TCTN3: variants seen among roughly 807,000 people sequenced by gnomAD.
TCTN3 encodes the protein tectonic family member 3.
In TCTN3, 57 loss-of-function variants were observed where a neutral mutation model predicts 71.3. That is an observed-to-expected ratio of 0.80 (90% CI 0.65 to 1.00). The LOEUF (loss-of-function observed/expected upper bound fraction) is 1.00, where lower values mean the gene tolerates loss of function less well. Ranked by LOEUF, TCTN3 falls within the 50% of genes least tolerant of loss-of-function variation. The pLI is 0.00. For missense variants in TCTN3, 696 were observed against 719.9 expected (o/e 0.97, Z 0.38); for synonymous variants, 258 against 267.8 (o/e 0.96, Z 0.36).
Position 95,683,088 on chromosome 10 carries a change from A to C in TCTN3, c.1298+13T>G. On this transcript the variant is annotated intron_variant, in intron 11 of 13. Coordinates refer to ENST00000371217, the MANE Select transcript of TCTN3 (RefSeq NM_015631.6). ...CCGAAATTGCAGGAAATGATGCGGAAGCAAAGAACTACCTGAGCTTGCATC... is the reference window on the plus strand; with the variant it reads ...CCGAAATTGCAGGAAATGATGCGGACGCAAAGAACTACCTGAGCTTGCATC... 1 of 1,608,286 alleles carries C rather than the reference A, an allele frequency of 6.2e-7. No homozygotes were observed. The highest frequency in any genetic ancestry group is 1.1e-5 in the South Asian group (1 of 90,430).
chr10:95,673,426 TC>T (rs2097933690), intron 13 of TCTN3, among the ~76,000 whole-genome samples: 2 of 152,194 alleles, frequency 1.3e-5, no homozygotes, highest in Admixed American at 6.5e-5. Context: ...CATCCAGTTG[TC>T]CCAGCACCAA....
chr10:95,675,235 C>T (rs541527070), intron 13 of TCTN3, among the ~76,000 whole-genome samples: 7 of 152,046 alleles, frequency 4.6e-5, no homozygotes, highest in East Asian at 3.9e-4. Context: ...TGGGATTACA[C>T]GCGTGTGCCA....
intron 3 of TCTN3, among the ~76,000 whole-genome samples, chr10:95,690,784 G>T (rs980978777): frequency 1.3e-5 from 2 of 152,214 alleles, no homozygotes; most frequent in Non-Finnish European, 2.9e-5. Flanking sequence ...GTTATGGAAA[G>T]ATTTATCTAG....
intron 13 of TCTN3, among the ~76,000 whole-genome samples, chr10:95,677,474 G>GGTTTTTTTTTTTT: frequency 1.2e-5 from 1 of 80,738 alleles, no homozygotes; most frequent in Non-Finnish European, 3.0e-5. Context: ...GAAGTCTACA[G>GGTTTTTTTTTTTT]TTTTTTTTGT....
At chr10:95,688,397 G>GAAAAAAAAAAAAAAAAAAAAA (rs60722894) in intron 3 of TCTN3, among the ~76,000 whole-genome samples, 4 of 104,592 alleles carry the variant, frequency 3.8e-5, no homozygotes, top group African/African-American at 1.4e-4. Flanking sequence ...TCAAAAAAAA[G>GAAAAAAAAAAAAAAAAAAAAA]AAAAAAAAAA....
At chr10:95,668,255 C>CAAAAAAAAAAAAAAAAAAAAAAAAAA (rs374400684) in intron 13 of TCTN3, among the ~76,000 whole-genome samples, 1 of 120,138 alleles carries the variant, frequency 8.3e-6, no homozygotes, top group Non-Finnish European at 1.7e-5. Flanking sequence ...ATAGGAGTGC[C>CAAAAAAAAAAAAAAAAAAAAAAAAAA]AAAAAAAAAA....
At chr10:95,689,389 C>T (rs900388455) in intron 3 of TCTN3, among the ~76,000 whole-genome samples, 1 of 152,212 alleles carries the variant, frequency 6.6e-6, no homozygotes, top group Admixed American at 6.5e-5. Context: ...CTTTCCACCT[C>T]TGATCTGAAA....
chr10:95,678,216 G>A (rs2097939307), intron 13 of TCTN3, among the ~76,000 whole-genome samples: 1 of 152,140 alleles, frequency 6.6e-6, no homozygotes, highest in African/African-American at 2.4e-5. Context: ...CTTTGGATAA[G>A]CTATTGCTAT....
In TCTN3 at chr10:95,686,439, A is replaced by G; in HGVS notation, c.888+56T>C. 3 of 1,569,536 alleles carry G rather than the reference A, an allele frequency of 1.9e-6. No homozygotes were observed. In the Admixed American group the frequency reaches 5.0e-5, roughly 26 times the overall value. On this transcript the variant is annotated intron_variant, in intron 7 of 13. Transcript: ENST00000371217. ...GTACAACTTAGACTAAAATTGCCTC[A>G]GATGCAGAGGAGCCAAATATTCTTT...
rs1380224303 is a variant in TCTN3 at position 95,677,574 on chromosome 10, G to A, written c.1590+2898C>T. On this transcript the variant is annotated intron_variant, in intron 13 of 13. Coordinates refer to ENST00000371217, the MANE Select transcript of TCTN3 (RefSeq NM_015631.6). Reference sequence around the variant, plus strand: ...AAATTTTGCTACTTCACTTTTTATAGAAAGAGGAATTTAAAGTGTTTCTAT... The same window carrying A: ...AAATTTTGCTACTTCACTTTTTATAAAAAGAGGAATTTAAAGTGTTTCTAT... Among the ~76,000 whole-genome samples, 9 of 143,740 alleles carry A rather than the reference G, an allele frequency of 6.3e-5. No individual in the cohort carries two copies. The East Asian group carries it at 2.0e-3, about 31-fold the overall frequency. The allele number at this position is 143,740 out of a possible 152,430, so 94.3% of individuals were successfully genotyped here. A position where few individuals can be genotyped will look rare whatever the true frequency, so the allele number is the denominator to read the frequency against.
chr10:95,684,683 A>T, intron 8 of TCTN3, 59 bp from the exon 9 acceptor site: 1 of 1,582,414 alleles, frequency 6.3e-7, no homozygotes, highest in Non-Finnish European at 8.6e-7. Flanking sequence ...TATGTTTAGG[A>T]CAGAAGATTT....
chr10:95,693,079 C>G, intron 2 of TCTN3, 41 bp from the exon 3 acceptor site: 2 of 1,471,502 alleles, frequency 1.4e-6, no homozygotes, highest in Non-Finnish European at 1.9e-6. Context: ...TTAGAAGGGG[C>G]GGGGCAGGTC....
intron 13 of TCTN3, among the ~76,000 whole-genome samples, chr10:95,674,489 T>C (rs944991218): frequency 6.6e-6 from 1 of 152,178 alleles, no homozygotes; most frequent in Non-Finnish European, 1.5e-5. Context: ...GATATCCATA[T>C]GTATATTTTT....
intron 13 of TCTN3, among the ~76,000 whole-genome samples, chr10:95,666,716 C>G (rs182733308): frequency 6.6e-6 from 1 of 152,280 alleles, no homozygotes; most frequent in East Asian, 1.9e-4. Context: ...TCAGTGTCGT[C>G]TAGAAGTTGA....
intron 3 of TCTN3, among the ~76,000 whole-genome samples, chr10:95,691,254 A>G (rs936601191): frequency 2.0e-5 from 3 of 152,130 alleles, no homozygotes; most frequent in Non-Finnish European, 2.9e-5. Flanking sequence ...CCAGGCTCAC[A>G]TGATTCTCCT....
At chr10:95,669,766 T>C (rs2097929039) in intron 13 of TCTN3, among the ~76,000 whole-genome samples, 2 of 152,158 alleles carry the variant, frequency 1.3e-5, no homozygotes, top group African/African-American at 4.8e-5. Context: ...ATGTCACAGC[T>C]ATTTAAGAGT....
At chr10:95,683,014 G>C in intron 11 of TCTN3, 87 bp downstream of exon 11, 1 of 1,379,558 alleles carries the variant, frequency 7.2e-7, no homozygotes, top group Non-Finnish European at 1.0e-6. Context: ...TTTCCGAACT[G>C]TCATTAAAAA....
At chr10:95,678,898 A>T (rs1181029133) in intron 13 of TCTN3, among the ~76,000 whole-genome samples, 1 of 152,194 alleles carries the variant, frequency 6.6e-6, no homozygotes, top group Non-Finnish European at 1.5e-5. Context: ...GTTAGCCCAT[A>T]AAGTGAAAAT....
intron 3 of TCTN3, among the ~76,000 whole-genome samples, chr10:95,689,727 C>T (rs1282848413): frequency 1.3e-5 from 2 of 152,168 alleles, no homozygotes; most frequent in South Asian, 2.1e-4. Flanking sequence ...TGATATATTA[C>T]ACCTAAAAGA....
Sources: gnomAD v4.1 joint callset for allele counts (sites outside exome capture counted in the v4.1 genomes callset) on GRCh38, gnomAD v4.1.1 for gene constraint, MANE v1.5 for transcripts, NCBI Gene and HGNC (gene_info 2026-07-23, HGNC 2026-07-21) for gene names.